Variants in TRIM2 observed in about 807,000 individuals in gnomAD.
TRIM2 encodes tripartite motif containing 2.
In TRIM2, 20 loss-of-function variants were observed where a neutral mutation model predicts 75.2. The ratio of observed to expected loss-of-function variants is 0.27; its 90% CI spans 0.19 to 0.39. The LOEUF is 0.39. TRIM2 is among the 10% of genes least tolerant of loss of function. The pLI is 1.00. For missense variants in TRIM2, 660 were observed against 990.8 expected (o/e 0.67, Z 4.48); for synonymous variants, 373 against 388.3 (o/e 0.96, Z 0.46).
rs1341325225 is a variant in TRIM2, at chr4:153,273,371, G to A, written c.216-2522G>A. Among the ~76,000 whole-genome samples, 67 of 145,668 alleles carry A rather than the reference G, an allele frequency of 4.6e-4. 1 individual carries two copies. The highest frequency in any genetic ancestry group is 3.5e-3 in the Middle Eastern group (1 of 282). On this transcript the variant is annotated intron_variant, in intron 2 of 11. Coordinates refer to ENST00000338700, the MANE Select transcript of TRIM2 (RefSeq NM_015271.5). ...GCTCACTGCAAGCTCCACCTCCCGG[G>A]TTCACGCCATTCTCCTGCCTCAGCC... is the stretch of plus-strand genomic sequence containing the variant.
At chr4:153,200,160 C>T (rs1029635329), upstream of TRIM2, among the ~76,000 whole-genome samples, 5 of 152,014 alleles carry the variant, frequency 3.3e-5, no homozygotes, top group African/African-American at 4.8e-5. Flanking sequence ...AGGTTGGTCT[C>T]GAACTCCTTA....
chr4:153,158,224 C>T (rs923124582), intron 1 of TRIM2, among the ~76,000 whole-genome samples: 2 of 152,244 alleles, frequency 1.3e-5, no homozygotes, highest in African/African-American at 2.4e-5. Context: ...GAAAAATCAA[C>T]GAAGGGGAAA....
chr4:153,287,039 C>T (rs1760799023), intron 3 of TRIM2, among the ~76,000 whole-genome samples: 1 of 151,824 alleles, frequency 6.6e-6, no homozygotes. Context: ...AGTACAGTGG[C>T]ATGATCATAG....
intron 6 of TRIM2, among the ~76,000 whole-genome samples, chr4:153,296,561 G>C (rs372232405): frequency 2.6e-4 from 40 of 152,174 alleles, no homozygotes; most frequent in African/African-American, 9.2e-4. Flanking sequence ...ACCACCTCCA[G>C]CTGTGTGTAG....
chr4:153,334,792 C>T, intron 11 of TRIM2, 22 bp from the exon 12 acceptor site: 3 of 1,594,532 alleles, frequency 1.9e-6, no homozygotes, highest in Non-Finnish European at 2.6e-6. Context: ...CTATAACATT[C>T]TGACTTCCTA....
At chr4:153,155,131 C>T (rs1217479246) in intron 1 of TRIM2, among the ~76,000 whole-genome samples, 2 of 151,970 alleles carry the variant, frequency 1.3e-5, no homozygotes, top group Non-Finnish European at 2.9e-5. Flanking sequence ...CAGGGTGAGA[C>T]TCCGTCTCAA....
At chr4:153,171,854 TCGCTAATGTA>T (rs1560783703) in intron 1 of TRIM2, among the ~76,000 whole-genome samples, 4 of 114,778 alleles carry the variant, frequency 3.5e-5, no homozygotes, top group African/African-American at 5.4e-5. Flanking sequence ...TTTTTTTTTT[TCGCTAATGTA>T]TTTTAAAGCA....
At chr4:153,192,989 G>T (rs1010733388) in intron 1 of TRIM2, among the ~76,000 whole-genome samples, 1 of 152,122 alleles carries the variant, frequency 6.6e-6, no homozygotes, top group African/African-American at 2.4e-5. Context: ...ACTGGACATG[G>T]TCTATAGTTT....
chr4:153,243,827 C>T (rs72727874), intron 1 of TRIM2, among the ~76,000 whole-genome samples: 12,421 of 133,104 alleles, frequency 0.093, 807 homozygotes, highest in Middle Eastern at 0.14. Flanking sequence ...TTCCCCCCCC[C>T]CTTGAGACAG....
intron 6 of TRIM2, among the ~76,000 whole-genome samples, chr4:153,299,980 T>C (rs747310308): frequency 5.9e-5 from 9 of 152,216 alleles, no homozygotes; most frequent in Non-Finnish European, 1.2e-4. Flanking sequence ...CTCTCACCAT[T>C]ACTCCGTTTG....
Position 153,295,341 on chromosome 4 carries a change from T to A in TRIM2, c.815T>A (p.Leu272His). 3 of 1,610,072 alleles carry A rather than the reference T, an allele frequency of 1.9e-6. No individual in the cohort carries two copies. Among genetic ancestry groups the A allele is most frequent in the Non-Finnish European group, 2.5e-6 (3 of 1,177,994 alleles). Reference protein sequence around the residue: ...KVLQSQLDTLLQGQESIKSCS... With the variant: ...KVLQSQLDTLHQGQESIKSCS... ...CTCCAGTCGCAGCTGGATACTCTGC[T>A]CCAGGGGCAGGAGAGCATTAAGAGC... The change falls in exon 6 of 12, where the codon CTC (leucine) becomes CAC (histidine). Residue 272 changes from leucine (L) to histidine (H), a missense_variant. Leu to His is a moderately conservative substitution (Grantham distance 99, BLOSUM62 -3). Transcript: ENST00000338700. The surrounding 1 kb of genome is among the most constrained non-coding windows in gnomAD (Gnocchi z 7.2).
intron 3 of TRIM2, among the ~76,000 whole-genome samples, chr4:153,276,639 A>G (rs1411416628): frequency 6.6e-6 from 1 of 152,230 alleles, no homozygotes; most frequent in East Asian, 1.9e-4. Flanking sequence ...AGTGAGTACA[A>G]TAACTGTTAG....
At chr4:153,203,103 C>CAAAA (rs200371158), upstream of TRIM2, among the ~76,000 whole-genome samples, 3 of 87,320 alleles carry the variant, frequency 3.4e-5, no homozygotes, top group Non-Finnish European at 8.2e-5. Flanking sequence ...GACTCCATCT[C>CAAAA]AAAAAAAAAA....
chr4:153,251,549 A>G (rs1297372233), intron 1 of TRIM2, among the ~76,000 whole-genome samples: 1 of 152,184 alleles, frequency 6.6e-6, no homozygotes, highest in Non-Finnish European at 1.5e-5. Context: ...TGACATGTTA[A>G]TGAGGTACAG....
chr4:153,228,205 C>G (rs879403055), intron 1 of TRIM2, among the ~76,000 whole-genome samples: 2 of 152,174 alleles, frequency 1.3e-5, no homozygotes, highest in Non-Finnish European at 2.9e-5. Flanking sequence ...TCATCTGACA[C>G]CCTGTCCTTC....
chr4:153,183,953 A>G (rs907907559), intron 1 of TRIM2, among the ~76,000 whole-genome samples: 1 of 152,136 alleles, frequency 6.6e-6, no homozygotes, highest in African/African-American at 2.4e-5. Context: ...TGGGAAATTA[A>G]GGTAATATTG....
At chr4:153,162,669 TG>T (rs1729854492) in intron 1 of TRIM2, among the ~76,000 whole-genome samples, 1 of 152,182 alleles carries the variant, frequency 6.6e-6, no homozygotes, top group African/African-American at 2.4e-5. Flanking sequence ...GCCATTACAA[TG>T]AGTGAATGAG....
chr4:153,246,626 T>G (rs1232205792), intron 1 of TRIM2, among the ~76,000 whole-genome samples: 1 of 152,100 alleles, frequency 6.6e-6, no homozygotes, highest in African/African-American at 2.4e-5. Flanking sequence ...AAGTTAAAAA[T>G]CTGTTGAATG....
intron 1 of TRIM2, among the ~76,000 whole-genome samples, chr4:153,177,023 A>G (rs1052678619): frequency 9.2e-5 from 14 of 152,262 alleles, no homozygotes; most frequent in Non-Finnish European, 1.9e-4. Flanking sequence ...GGAATCTTCC[A>G]GATGAGCAGT....
Sources: allele counts gnomAD v4.1 joint callset (sites outside exome capture counted in the v4.1 genomes callset), GRCh38; gene constraint gnomAD v4.1.1; non-coding constraint Gnocchi (gnomAD v3.1); transcripts MANE v1.5; gene names NCBI Gene and HGNC (gene_info 2026-07-23, HGNC 2026-07-21).